Variants in USP53 observed in about 807,000 individuals in gnomAD.
The protein encoded by USP53 is ubiquitin carboxyl-terminal hydrolase 53.
A neutral mutation model predicts 94.9 loss-of-function variants in USP53; 71 were observed. That is an observed-to-expected ratio of 0.75 (90% confidence interval 0.62 to 0.91). The LOEUF (loss-of-function observed/expected upper bound fraction) is 0.91. USP53 is among the 40% of genes least tolerant of loss of function. The pLI is 0.00. For missense variants in USP53, 1,173 were observed against 1,281.0 expected (o/e 0.92, Z 1.29); for synonymous variants, 375 against 422.7 (o/e 0.89, Z 1.39).
rs534914617 is a variant in USP53, at chr4:119,258,835, A to G, written c.570-985A>G. ...ACACGAAGGAATTTTGGGAGCTACAATTCAAGATGAGATTTGAGTGGGGAC... is the reference window on the plus strand; with the variant it reads ...ACACGAAGGAATTTTGGGAGCTACAGTTCAAGATGAGATTTGAGTGGGGAC... On this transcript the variant is annotated intron_variant, in intron 9 of 18. Transcript: ENST00000692078. Among the ~76,000 whole-genome samples the G allele has an allele frequency of 2.0e-4, 31 of 152,336 alleles. No homozygotes were observed. The South Asian group carries it at 6.4e-3, about 32-fold the overall frequency.
At chr4:119,218,672 A>G (rs1744123136) in intron 3 of USP53, 3 of 152,210 alleles carry the variant, frequency 2.0e-5, no homozygotes, top group African/African-American at 7.2e-5. Context: ...TTTATTCTTC[A>G]ATTATACCTT....
At chr4:119,245,498 G>T in intron 6 of USP53, 69 bp downstream of exon 6, 1 of 1,387,076 alleles carries the variant, frequency 7.2e-7, no homozygotes, top group Non-Finnish European at 1.0e-6. Flanking sequence ...TGATATATTG[G>T]GTCAGTTTGT....
rs2149299834 is a variant in USP53, at chr4:119,231,180, T to G, written c.-664-4110T>G. ...GCTTCTGGAATCAGAAAGTCCAACT[T>G]ATGTTCAAAGTGGATGCAGAGGTAA... On this transcript the variant is annotated intron_variant, in intron 3 of 18. Transcript: ENST00000692078. 2.6e-5 allele frequency among the ~76,000 whole-genome samples: 4 copies of G among 152,286 alleles called. No individual in the cohort carries two copies. In the Middle Eastern group the frequency reaches 0.014, roughly 518 times the overall value.
intron 16 of USP53, chr4:119,272,330 TTG>T: frequency 4.5e-6 from 1 of 222,882 alleles, no homozygotes; most frequent in Non-Finnish European, 8.8e-6. Flanking sequence ...ATTATCATTG[TTG>T]TGTCACTGTC....
At position 119,242,800 on chromosome 4, in the gene USP53, A is replaced by G. The variant is rs1477167124; in HGVS notation, c.145-2537A>G. ...AATACAAATGTTGATTTGCAATTCG[A>G]TGAATACATTTTCAAAAATGCTGAG... is the stretch of plus-strand genomic sequence containing the variant. On this transcript the variant is annotated intron_variant, in intron 5 of 18. Transcript: ENST00000692078. Among the ~76,000 whole-genome samples, 3 of 152,348 alleles carry G rather than the reference A, an allele frequency of 2.0e-5. No individual in the cohort carries two copies. In the East Asian group the frequency reaches 5.8e-4, roughly 29 times the overall value.
chr4:119,243,530 A>T (rs1051479087), intron 5 of USP53, among the ~76,000 whole-genome samples: 3 of 152,166 alleles, frequency 2.0e-5, no homozygotes, highest in Admixed American at 6.5e-5. Context: ...AATAAAATGG[A>T]TGAAGATTAA....
At chr4:119,282,708 G>A (rs114982877) in intron 17 of USP53, among the ~76,000 whole-genome samples, 1,962 of 141,928 alleles carry the variant, frequency 0.014, 29 homozygotes, top group Non-Finnish European at 0.018. Context: ...ATGTGGAAAA[G>A]TGATATAGGA....
chr4:119,288,240 A>AT (rs1754337917), intron 17 of USP53, among the ~76,000 whole-genome samples: 1 of 152,248 alleles, frequency 6.6e-6, no homozygotes, highest in Non-Finnish European at 1.5e-5. Flanking sequence ...CACAAATAAC[A>AT]TTTTTAAATG....
At chr4:119,215,735 C>G (rs140257506) in intron 2 of USP53, among the ~76,000 whole-genome samples, 1 of 152,156 alleles carries the variant, frequency 6.6e-6, no homozygotes, top group African/African-American at 2.4e-5. Context: ...AGGCTACAAA[C>G]CATTGCATCT....
At chr4:119,287,346 C>A (rs72912496) in intron 17 of USP53, among the ~76,000 whole-genome samples, 7 of 151,902 alleles carry the variant, frequency 4.6e-5, no homozygotes, top group African/African-American at 1.7e-4. Flanking sequence ...CTATATGGAG[C>A]GATGTTGGCA....
At chr4:119,237,752 T>C (rs982547980) in intron 4 of USP53, among the ~76,000 whole-genome samples, 1 of 152,214 alleles carries the variant, frequency 6.6e-6, no homozygotes, top group African/African-American at 2.4e-5. Flanking sequence ...TGAAAATCTG[T>C]TAATTAGTGT....
At chr4:119,268,030 G>A (rs960101355) in intron 13 of USP53, among the ~76,000 whole-genome samples, 1 of 152,102 alleles carries the variant, frequency 6.6e-6, no homozygotes, top group African/African-American at 2.4e-5. Context: ...GGCCGGGCGC[G>A]GTGGCGGGCG....
chr4:119,227,256 TACACACACACACACACACAC>T (rs3138727), intron 3 of USP53, among the ~76,000 whole-genome samples: 1 of 125,080 alleles, frequency 8.0e-6, no homozygotes. Flanking sequence ...TGTCTAACAC[TACACACACACACACACACAC>T]ACACACACAC....
chr4:119,220,648 G>C (rs532613976), intron 3 of USP53: 1 of 152,182 alleles, frequency 6.6e-6, no homozygotes, highest in South Asian at 2.1e-4. Flanking sequence ...TTTTCTTTAA[G>C]AATTTCTTAA....
chr4:119,230,072 C>T (rs1163750725), intron 3 of USP53, among the ~76,000 whole-genome samples: 1 of 152,194 alleles, frequency 6.6e-6, no homozygotes, highest in Non-Finnish European at 1.5e-5. Context: ...TCTGCTTCCA[C>T]ATGGATCTTA....
At chr4:119,249,729 A>G (rs1578473286) in intron 7 of USP53, among the ~76,000 whole-genome samples, 1 of 131,454 alleles carries the variant, frequency 7.6e-6, no homozygotes, top group Non-Finnish European at 1.5e-5. Context: ...CAGTGGTGTG[A>G]TCTCGGCTCA....
chr4:119,226,314 T>C (rs1159438290), intron 3 of USP53, among the ~76,000 whole-genome samples: 1 of 152,196 alleles, frequency 6.6e-6, no homozygotes, highest in Non-Finnish European at 1.5e-5. Context: ...ACGTCCTACC[T>C]ACCCAGTTAA....
chr4:119,279,286 A>T (rs1326185468), intron 17 of USP53, among the ~76,000 whole-genome samples: 1 of 130,970 alleles, frequency 7.6e-6, no homozygotes, highest in African/African-American at 3.0e-5. Context: ...TTTGGTGTGG[A>T]TGTCCTTTCT....
Position 119,293,057 on chromosome 4 carries a change from A to G in USP53, c.3068A>G (p.Asp1023Gly). 6.2e-7 allele frequency: 1 copy of G among 1,613,778 alleles called. No homozygotes were observed. Among genetic ancestry groups the G allele is most frequent in the Non-Finnish European group, 8.5e-7 (1 of 1,179,896 alleles). ...AIDAFCQPEL[D>G]SISTCPNETV... is the part of the protein sequence containing the mutation. Reference sequence around the variant, plus strand: ...GATGCATTTTGCCAACCAGAACTAGACTCTATTTCTACCTGTCCAAATGAG... The same window carrying G: ...GATGCATTTTGCCAACCAGAACTAGGCTCTATTTCTACCTGTCCAAATGAG... The change falls in exon 19 of 19, where the codon GAC becomes GGC. Residue 1023 changes from aspartate (D) to glycine (G), a missense_variant. Physicochemically the swap from Asp to Gly is moderately conservative, Grantham distance 94. Transcript: ENST00000692078.
Sources: gnomAD v4.1 joint callset for allele counts (sites outside exome capture counted in the v4.1 genomes callset) on GRCh38, gnomAD v4.1.1 for gene constraint, MANE v1.5 for transcripts, NCBI Gene and HGNC (gene_info 2026-07-23, HGNC 2026-07-21) for gene names.